Variants in PHF2 observed in about 807,000 individuals in gnomAD.
PHF2 encodes lysine-specific demethylase PHF2.
PHF2 carries 27 observed loss-of-function variants against 120.5 expected under a neutral mutation model. That is an observed-to-expected ratio of 0.22 (90% CI 0.17 to 0.31). The LOEUF (loss-of-function observed/expected upper bound fraction) is 0.31, where lower values mean the gene tolerates loss of function less well. PHF2 is among the 10% of genes least tolerant of loss of function. The pLI is 1.00. For synonymous variants in PHF2, 568 were observed against 592.5 expected, an observed-to-expected ratio of 0.96 and a Z score of 0.60; for missense variants, 1,024 against 1,434.8, an observed-to-expected ratio of 0.71 and a Z score of 4.63.
chr9:93,654,923 GGAGACCCAGCTCAGA>G (rs1470163268), intron 7 of PHF2, among the ~76,000 whole-genome samples: 1 of 152,196 alleles, frequency 6.6e-6, no homozygotes, highest in African/African-American at 2.4e-5. Context: ...GCCCATGGCT[GGAGACCCAGCTCAGA>G]GAGCCTTGTG....
chr9:93,577,129 G>A (rs893885816), intron 1 of PHF2, among the ~76,000 whole-genome samples: 1 of 149,080 alleles, frequency 6.7e-6, no homozygotes, highest in Non-Finnish European at 1.5e-5. Context: ...CCCGCGGGCC[G>A]GGAGGTGGGC....
At chr9:93,648,296 G>A (rs1441852212) in intron 4 of PHF2, among the ~76,000 whole-genome samples, 2 of 152,218 alleles carry the variant, frequency 1.3e-5, no homozygotes, top group African/African-American at 2.4e-5. Flanking sequence ...CTATAAACTC[G>A]TGGTTAGAGG....
intron 1 of PHF2, among the ~76,000 whole-genome samples, chr9:93,613,517 AGT>A (rs975481686): frequency 2.0e-5 from 3 of 149,442 alleles, no homozygotes; most frequent in African/African-American, 7.4e-5. Flanking sequence ...GTTCTGACTC[AGT>A]AGGTCCCGGT....
chr9:93,623,555 A>G (rs570315458), intron 1 of PHF2, among the ~76,000 whole-genome samples: 1 of 152,360 alleles, frequency 6.6e-6, no homozygotes, highest in African/African-American at 2.4e-5. Context: ...AAGAATATTA[A>G]CACTGTGCAT....
intron 1 of PHF2, chr9:93,594,733 G>A (rs1825300159): frequency 6.6e-6 from 1 of 152,262 alleles, no homozygotes; most frequent in Non-Finnish European, 1.5e-5. Flanking sequence ...GGGTTTGACA[G>A]AAGATAGGAC....
intron 7 of PHF2, among the ~76,000 whole-genome samples, chr9:93,654,948 G>A (rs867764340): frequency 3.2e-4 from 49 of 152,342 alleles, no homozygotes; most frequent in Middle Eastern, 3.4e-3. Context: ...AGAGCCTTGT[G>A]TGGAGACAGC....
chr9:93,676,612 A>G lies in PHF2; in HGVS notation c.2851A>G (p.Lys951Glu), dbSNP rs766706839. ...TTCAAAGGAGGAGCAGAAAAGCAAG[A>G]AAAAAAAGAGTGCCAAGAGGAAGCT... Reference protein sequence around the residue: ...LSQQEEQKSKKKKSAKRKLTP... With the variant: ...LSQQEEQKSKEKKSAKRKLTP... Residue 951 changes from lysine (K) to glutamate (E), a missense_variant, in exon 21 of 22, where the codon AAA becomes GAA. Lys to Glu is a moderately conservative substitution (Grantham distance 56). Around this residue, in one of 2 missense-constraint regions of PHF2, gnomAD observed 677 missense variants for 857.4 expected, o/e 0.79. Coordinates refer to ENST00000359246, the MANE Select transcript of PHF2 (RefSeq NM_005392.4). 17 of 1,596,862 alleles carry G rather than the reference A, an allele frequency of 1.1e-5. No individual in the cohort carries two copies. Among genetic ancestry groups the G allele is most frequent in the Non-Finnish European group, 1.0e-5 (12 of 1,168,062 alleles).
intron 1 of PHF2, among the ~76,000 whole-genome samples, chr9:93,603,693 C>G (rs1214919724): frequency 6.6e-6 from 1 of 152,162 alleles, no homozygotes; most frequent in African/African-American, 2.4e-5. Flanking sequence ...TACATCACTG[C>G]CAGAGCCACC....
At chr9:93,673,255 G>T (rs941120325) in intron 17 of PHF2, among the ~76,000 whole-genome samples, 1 of 151,914 alleles carries the variant, frequency 6.6e-6, no homozygotes, top group African/African-American at 2.4e-5. Flanking sequence ...GCTTTAAGGT[G>T]TGAGAGACCA....
chr9:93,631,076 T>G (rs753603277), intron 2 of PHF2, among the ~76,000 whole-genome samples: 14 of 151,642 alleles, frequency 9.2e-5, no homozygotes, highest in Non-Finnish European at 1.6e-4. Context: ...GTGGGATGAG[T>G]CCTATGGAAT....
intron 14 of PHF2, among the ~76,000 whole-genome samples, chr9:93,664,635 C>A (rs1225511964): frequency 6.6e-6 from 1 of 152,224 alleles, no homozygotes; most frequent in African/African-American, 2.4e-5. Flanking sequence ...CAGGGCAACA[C>A]GCGAGGCCAT....
chr9:93,664,313 G>A (rs1055008572), intron 14 of PHF2, among the ~76,000 whole-genome samples: 10 of 152,042 alleles, frequency 6.6e-5, no homozygotes, highest in Non-Finnish European at 1.5e-4. Context: ...TGCTGGATGA[G>A]CCTCGGGGTG....
intron 1 of PHF2, among the ~76,000 whole-genome samples, chr9:93,618,433 G>T (rs939418452): frequency 2.6e-5 from 4 of 152,230 alleles, no homozygotes; most frequent in African/African-American, 9.6e-5. Context: ...GCATACACGT[G>T]CACACACAAA....
chr9:93,677,844 A>C lies in PHF2; in HGVS notation c.*168A>C, dbSNP rs934065193. ...TCCCTTCAGCCGGCAGAGCGAGCCC[A>C]GCGTGGCCCCTCAATTTGAAAATGG... is the stretch of plus-strand genomic sequence containing the variant. On this transcript the variant is annotated 3_prime_UTR_variant, in exon 22 of 22. Coordinates refer to ENST00000359246, the MANE Select transcript of PHF2 (RefSeq NM_005392.4). This position sits in a 1 kb window ranked among gnomAD's most constrained non-coding sequence, Gnocchi z 4.4. The C allele has an allele frequency of 8.4e-6, 5 of 597,492 alleles. No homozygotes were observed. Among genetic ancestry groups the C allele is most frequent in the Non-Finnish European group, 1.2e-5 (4 of 333,072 alleles). The allele number at this position is 597,492 out of a possible 1,614,324, so 37.0% of individuals were successfully genotyped here.
chr9:93,576,669 G>C lies in PHF2; in HGVS notation c.-105G>C, dbSNP rs1397096846. The stretch of plus-strand genomic sequence containing the variant: ...TCCCCTCCCGGCCGCGGCGCCGCCT[G>C]CGCCCCGCCGCCCCCGCCGCCCCCG... On this transcript the variant is annotated 5_prime_UTR_variant, in exon 1 of 22. Transcript: ENST00000359246. 5.4e-6 allele frequency: 1 copy of C among 186,294 alleles called. No homozygotes were observed. Among genetic ancestry groups the C allele is most frequent in the African/African-American group, 2.4e-5 (1 of 40,954 alleles). The allele number at this position is 186,294 out of a possible 1,614,324, so 11.5% of individuals were successfully genotyped here.
chr9:93,623,296 G>A (rs2131641887), intron 1 of PHF2, among the ~76,000 whole-genome samples: 1 of 152,278 alleles, frequency 6.6e-6, no homozygotes, highest in African/African-American at 2.4e-5. Flanking sequence ...GGTGCTGAAG[G>A]GACTGTCTTC....
At chr9:93,589,504 T>C (rs1482479544) in intron 1 of PHF2, among the ~76,000 whole-genome samples, 1 of 152,192 alleles carries the variant, frequency 6.6e-6, no homozygotes, top group East Asian at 1.9e-4. Flanking sequence ...GCCAACTGTC[T>C]CCTGGGGACA....
intron 1 of PHF2, among the ~76,000 whole-genome samples, chr9:93,610,075 T>A (rs1225592425): frequency 2.6e-5 from 4 of 151,548 alleles, no homozygotes; most frequent in Non-Finnish European, 5.9e-5. Flanking sequence ...GTGTAGATTT[T>A]TTTTTGCGGG....
In PHF2 at chr9:93,623,713, T is replaced by C. The variant is rs1480714651; in HGVS notation, c.99-6257T>C. ...ATATTCCCTCATGTTGTGCTTTTGA[T>C]GGCTTTTCTTTTACACTTGACTCTT... is the stretch of plus-strand genomic sequence containing the variant. On this transcript the variant is annotated intron_variant, in intron 1 of 21. Transcript: ENST00000359246. 2.0e-5 allele frequency among the ~76,000 whole-genome samples: 3 copies of C among 152,256 alleles called. No homozygotes were observed. In the East Asian group the frequency reaches 5.8e-4, roughly 29 times the overall value.
Sources: allele counts gnomAD v4.1 joint callset (sites outside exome capture counted in the v4.1 genomes callset), GRCh38; gene constraint gnomAD v4.1.1; regional missense constraint gnomAD v4.1.1; non-coding constraint Gnocchi (gnomAD v3.1); transcripts MANE v1.5; gene names NCBI Gene and HGNC (gene_info 2026-07-23, HGNC 2026-07-21).